The following ECT2L variants were observed in gnomAD, a reference collection of about 807,000 sequenced individuals.
ECT2L encodes the protein epithelial cell transforming 2 like, also known as epithelial cell-transforming sequence 2 oncogene-like.
A neutral mutation model predicts 122.8 loss-of-function variants in ECT2L; 126 were observed. The observed-to-expected ratio is 1.03, with a 90% CI of 0.89 to 1.19. ECT2L has a LOEUF of 1.19. Among genes scored for constraint, ECT2L ranks in the 50% most tolerant of loss-of-function variants. The pLI is 0.00. For synonymous variants in ECT2L, 385 were observed against 381.8 expected (o/e 1.01, Z -0.10); for missense variants, 1,012 against 1,064.1 (o/e 0.95, Z 0.68).
rs1779225529 is a variant in ECT2L, at chr6:138,896,686, T to C, written c.2415-4262T>C. On this transcript the variant is annotated intron_variant, in intron 20 of 21. Coordinates refer to ENST00000541398, the MANE Select transcript of ECT2L (RefSeq NM_001077706.3). ...CTTTTTGAGAGAGTTTCATTCTTGT[T>C]GCCCAGGCTGGAGTGCAATGGCGTG... Among the ~76,000 whole-genome samples the C allele has an allele frequency of 2.0e-5, 3 of 152,164 alleles. No individual in the cohort carries two copies. In the South Asian group the frequency reaches 6.2e-4, roughly 32 times the overall value.
intron 20 of ECT2L, among the ~76,000 whole-genome samples, chr6:138,891,083 C>T (rs900628625): frequency 1.3e-5 from 2 of 152,110 alleles, no homozygotes; most frequent in East Asian, 1.9e-4. Flanking sequence ...TTGGATATGC[C>T]TCATTATACT....
chr6:138,842,917 A>C (rs932494736), intron 5 of ECT2L, 62 bp from the exon 6 acceptor site: 2 of 1,380,238 alleles, frequency 1.4e-6, no homozygotes, highest in African/African-American at 2.8e-5. Flanking sequence ...GTACCTGAAA[A>C]TATTATTGCT....
At chr6:138,861,131 A>G (rs999155393) in intron 10 of ECT2L, among the ~76,000 whole-genome samples, 1 of 152,158 alleles carries the variant, frequency 6.6e-6, no homozygotes, top group Admixed American at 6.5e-5. Flanking sequence ...TCTACGAATG[A>G]TGGACATTTG....
Position 138,856,778 on chromosome 6 carries a change from T to C in ECT2L, c.1198+2624T>C, listed in dbSNP as rs566033141. 2.0e-5 allele frequency among the ~76,000 whole-genome samples: 3 copies of C among 152,324 alleles called. No homozygotes were observed. The South Asian group carries it at 6.2e-4, about 32-fold the overall frequency. On this transcript the variant is annotated intron_variant, in intron 10 of 21. Coordinates refer to ENST00000541398, the MANE Select transcript of ECT2L (RefSeq NM_001077706.3). The stretch of plus-strand genomic sequence containing the variant: ...GGAATAAGTGATACAACCGTTCTGA[T>C]TGGTCTAACTTTACTTTGGTGACAT...
At chr6:138,899,021 A>AGG (rs945622331) in intron 20 of ECT2L, among the ~76,000 whole-genome samples, 3 of 152,178 alleles carry the variant, frequency 2.0e-5, no homozygotes, top group Non-Finnish European at 4.4e-5. Flanking sequence ...ACCATAAATA[A>AGG]GGGGGGACTA....
rs763540724 is a variant in ECT2L at position 138,813,301 on chromosome 6, T to C, written c.27T>C (p.Ser9=). Residue 9 remains serine, a synonymous_variant, in exon 3 of 22, where the codon AGT becomes AGC. Transcript: ENST00000541398. MESFHTRF[S]AWTPFSNKSL... ...TGGAGAGCTTCCACACCAGATTTAGTGCCTGGACACCTTTTAGCAACAAGT... is the reference window on the plus strand; with the variant it reads ...TGGAGAGCTTCCACACCAGATTTAGCGCCTGGACACCTTTTAGCAACAAGT... 2 of 1,612,550 alleles carry C rather than the reference T, an allele frequency of 1.2e-6. No homozygotes were observed. Among genetic ancestry groups the C allele is most frequent in the East Asian group, 2.2e-5 (1 of 44,812 alleles).
At position 138,904,039 on chromosome 6, in the gene ECT2L, G is replaced by C. The variant is rs1562502663; in HGVS notation, c.*1412G>C. ...GTTAAAATATTATGCTGTTTTATTG[G>C]TGTAAAACCACACTTCTGATTCTGC... is the stretch of plus-strand genomic sequence containing the variant. On this transcript the variant is annotated 3_prime_UTR_variant, in exon 22 of 22. Transcript: ENST00000541398. 6.6e-6 allele frequency: 1 copy of C among 152,038 alleles called. No individual in the cohort carries two copies. The highest frequency in any genetic ancestry group is 1.5e-5 in the Non-Finnish European group (1 of 67,982). 9.4% of individuals were successfully genotyped at this position (152,038 alleles called of 1,614,324 possible).
At chr6:138,811,887 T>C (rs945887563) in intron 1 of ECT2L, among the ~76,000 whole-genome samples, 1 of 151,862 alleles carries the variant, frequency 6.6e-6, no homozygotes, top group Admixed American at 6.6e-5. Context: ...CGGGGTTTCA[T>C]CATGTTGGCC....
chr6:138,834,935 A>ACACACACACACACACACTCT (rs5880405), intron 4 of ECT2L, among the ~76,000 whole-genome samples: 2 of 142,764 alleles, frequency 1.4e-5, no homozygotes, highest in African/African-American at 5.3e-5. Flanking sequence ...ACACACACAC[A>ACACACACACACACACACTCT]CTCTCATTCT....
chr6:138,838,628 C>A, intron 5 of ECT2L, 114 bp downstream of exon 5: 1 of 1,012,226 alleles, frequency 9.9e-7, no homozygotes, highest in Non-Finnish European at 1.4e-6. Context: ...CCTGATCCAT[C>A]ATTAACTTAC....
chr6:138,867,008 A>G (rs535564787), intron 12 of ECT2L, among the ~76,000 whole-genome samples: 1 of 152,254 alleles, frequency 6.6e-6, no homozygotes, highest in South Asian at 2.1e-4. Context: ...AGGGAGGCAG[A>G]GGTTTCAGTG....
At chr6:138,843,306 A>G in intron 6 of ECT2L, 75 bp downstream of exon 6, 1 of 1,435,866 alleles carries the variant, frequency 7.0e-7, no homozygotes, top group Middle Eastern at 2.5e-4. Flanking sequence ...AAATTCCCAC[A>G]GAGGACAGCC....
At chr6:138,821,438 T>C (rs1365680020) in intron 4 of ECT2L, among the ~76,000 whole-genome samples, 2 of 151,888 alleles carry the variant, frequency 1.3e-5, no homozygotes, top group Non-Finnish European at 2.9e-5. Flanking sequence ...CTCAGATGTG[T>C]CCAGAAGAAA....
intron 4 of ECT2L, among the ~76,000 whole-genome samples, chr6:138,822,576 C>T (rs78105246): frequency 1.4e-5 from 2 of 140,858 alleles, no homozygotes; most frequent in Non-Finnish European, 3.1e-5. Context: ...AATAAACAAA[C>T]AAACAAATAA....
intron 14 of ECT2L, among the ~76,000 whole-genome samples, chr6:138,878,740 C>T (rs955124717): frequency 7.9e-5 from 12 of 152,210 alleles, no homozygotes; most frequent in African/African-American, 1.2e-4. Flanking sequence ...AGCCACCGCA[C>T]GTGGCCAAGG....
At chr6:138,843,367 C>CT in intron 6 of ECT2L, 136 bp downstream of exon 6, 1 of 861,600 alleles carries the variant, frequency 1.2e-6, no homozygotes, top group Non-Finnish European at 1.7e-6. Flanking sequence ...TCCAGATGAG[C>CT]TTTTTTCCGT....
At chr6:138,886,963 A>G in intron 19 of ECT2L, 41 bp downstream of exon 19, 1 of 1,534,418 alleles carries the variant, frequency 6.5e-7, no homozygotes, top group Admixed American at 1.7e-5. Context: ...ATGCTCATGA[A>G]TACAACCTCC....
chr6:138,880,808 G>A, intron 14 of ECT2L, 149 bp from the exon 15 acceptor site: 1 of 641,586 alleles, frequency 1.6e-6, no homozygotes. Flanking sequence ...AGGGACAAGT[G>A]ATGGACAGCG....
At chr6:138,859,136 GC>G (rs1777730497) in intron 10 of ECT2L, among the ~76,000 whole-genome samples, 1 of 152,108 alleles carries the variant, frequency 6.6e-6, no homozygotes, top group South Asian at 2.1e-4. Context: ...GCAAGCACTG[GC>G]CTAGAATCTT....
Sources: allele counts gnomAD v4.1 joint callset (sites outside exome capture counted in the v4.1 genomes callset), GRCh38; gene constraint gnomAD v4.1.1; transcripts MANE v1.5; gene names NCBI Gene and HGNC (gene_info 2026-07-23, HGNC 2026-07-21).